The following MAGI2 variants were observed in gnomAD, a reference collection of about 807,000 sequenced individuals.
MAGI2 encodes membrane-associated guanylate kinase, WW and PDZ domain-containing protein 2.
In MAGI2, 35 loss-of-function variants were observed where a neutral mutation model predicts 133.3. The observed-to-expected ratio is 0.26, with a 90% CI of 0.20 to 0.35. The LOEUF is 0.35. Among genes scored for constraint, MAGI2 ranks in the 10% least tolerant of loss-of-function variants. The pLI is 1.00. For missense variants in MAGI2, 1,636 were observed against 1,863.4 expected (o/e 0.88, Z 2.25); for synonymous variants, 729 against 710.6 (o/e 1.03, Z -0.41).
chr7:78,544,828 C>T (rs770981476), intron 3 of MAGI2, among the ~76,000 whole-genome samples: 3 of 151,660 alleles, frequency 2.0e-5, no homozygotes, highest in Non-Finnish European at 2.9e-5. Context: ...GAGTGAAACT[C>T]CATCTCAAAA....
chr7:78,062,924 C>G (rs1813431311), intron 21 of MAGI2, among the ~76,000 whole-genome samples: 1 of 152,222 alleles, frequency 6.6e-6, no homozygotes, highest in South Asian at 2.1e-4. Flanking sequence ...GTCCTCCTCT[C>G]TGATCCTGTC....
At chr7:78,889,521 G>A (rs1005063319) in intron 2 of MAGI2, among the ~76,000 whole-genome samples, 1 of 152,228 alleles carries the variant, frequency 6.6e-6, no homozygotes, top group African/African-American at 2.4e-5. Flanking sequence ...CAGACTAACA[G>A]TGGATCTCTC....
intron 9 of MAGI2, among the ~76,000 whole-genome samples, chr7:78,317,049 A>G (rs532439690): frequency 2.0e-5 from 3 of 152,312 alleles, no homozygotes; most frequent in Admixed American, 1.3e-4. Flanking sequence ...GGCACAACAC[A>G]TCTATTTTCC....
At position 78,827,617 on chromosome 7, in the gene MAGI2, C is replaced by T. The variant is rs527677946; in HGVS notation, c.418+179473G>A. On this transcript the variant is annotated intron_variant, in intron 2 of 21. Coordinates refer to ENST00000354212, the MANE Select transcript of MAGI2 (RefSeq NM_012301.4). ...CTGTTTAATTCTAGAACTCTAGAAA[C>T]ATATAAGATGAGCACATTTCATATT... Among the ~76,000 whole-genome samples, 3 of 152,106 alleles carry T rather than the reference C, an allele frequency of 2.0e-5. No individual in the cohort carries two copies. In the South Asian group the frequency reaches 6.2e-4, roughly 32 times the overall value.
At chr7:79,384,360 G>A (rs1844024668) in intron 1 of MAGI2, among the ~76,000 whole-genome samples, 1 of 144,268 alleles carries the variant, frequency 6.9e-6, no homozygotes, top group Non-Finnish European at 1.5e-5. Context: ...CTTCTTGAAA[G>A]CACCAGAAGA....
intron 2 of MAGI2, among the ~76,000 whole-genome samples, chr7:78,668,691 T>C (rs567062076): frequency 6.6e-6 from 1 of 152,044 alleles, no homozygotes; most frequent in African/African-American, 2.4e-5. Context: ...TTTGTCAAAA[T>C]GTAAAAGTAC....
At chr7:78,739,778 T>G (rs968483690) in intron 2 of MAGI2, among the ~76,000 whole-genome samples, 1 of 152,036 alleles carries the variant, frequency 6.6e-6, no homozygotes, top group Non-Finnish European at 1.5e-5. Flanking sequence ...GCGCCGCAAA[T>G]CAGTAAAACT....
At chr7:78,639,093 G>T (rs982335910) in intron 2 of MAGI2, among the ~76,000 whole-genome samples, 5 of 152,152 alleles carry the variant, frequency 3.3e-5, no homozygotes, top group African/African-American at 1.2e-4. Flanking sequence ...CGCATGGAAG[G>T]TTTAGTGGAT....
intron 16 of MAGI2, chr7:78,158,420 T>G (rs1294843833): frequency 6.6e-6 from 1 of 152,068 alleles, no homozygotes; most frequent in African/African-American, 2.4e-5. Context: ...GGAAGACAAA[T>G]ATGGGCTATG....
intron 3 of MAGI2, among the ~76,000 whole-genome samples, chr7:78,559,170 C>CAAAA (rs1563168332): frequency 3.1e-5 from 1 of 32,590 alleles, no homozygotes; most frequent in African/African-American, 9.6e-5. Context: ...AAAAAAAAGC[C>CAAAA]AAAAAGAAAA....
intron 3 of MAGI2, among the ~76,000 whole-genome samples, chr7:78,573,821 C>G (rs147101744): frequency 6.6e-6 from 1 of 151,948 alleles, no homozygotes; most frequent in African/African-American, 2.4e-5. Flanking sequence ...GCCAAGTACC[C>G]GGAGCTATTT....
chr7:79,102,937 A>T (rs950045318), intron 1 of MAGI2, among the ~76,000 whole-genome samples: 2 of 152,170 alleles, frequency 1.3e-5, no homozygotes, highest in Non-Finnish European at 2.9e-5. Context: ...GTTCTGATTC[A>T]ATCAGTTGAA....
chr7:78,605,637 A>T (rs1245361647), intron 3 of MAGI2, among the ~76,000 whole-genome samples: 2 of 152,238 alleles, frequency 1.3e-5, no homozygotes, highest in Non-Finnish European at 2.9e-5. Context: ...TAGAACACAG[A>T]GCATGCTGAA....
intron 6 of MAGI2, among the ~76,000 whole-genome samples, chr7:78,371,412 A>G (rs1793902792): frequency 6.6e-6 from 1 of 151,964 alleles, no homozygotes; most frequent in Non-Finnish European, 1.5e-5. Context: ...ATGCAACAAT[A>G]TATAAAACAA....
rs914600112 is a variant in MAGI2 at position 79,176,223 on chromosome 7, G to A, written c.302-169017C>T. On this transcript the variant is annotated intron_variant, in intron 1 of 21. Coordinates refer to ENST00000354212, the MANE Select transcript of MAGI2 (RefSeq NM_012301.4). ...CCTTTAAGGAAGGACCTGCTGCCTCGTCAGGATTGCCCCAGCTGCCTTGCT... is the reference window on the plus strand; with the variant it reads ...CCTTTAAGGAAGGACCTGCTGCCTCATCAGGATTGCCCCAGCTGCCTTGCT... 5.3e-5 allele frequency among the ~76,000 whole-genome samples: 8 copies of A among 151,964 alleles called. No homozygotes were observed. The East Asian group carries it at 1.2e-3, about 22-fold the overall frequency.
chr7:78,573,031 GTATGTATATATATATATATATATA>G (rs1801680848), intron 3 of MAGI2, among the ~76,000 whole-genome samples: 1 of 26,388 alleles, frequency 3.8e-5, no homozygotes, highest in Non-Finnish European at 6.3e-5. Context: ...ATATGCATAT[GTATGTATATATATATATATATATA>G]TATATATATA....
intron 1 of MAGI2, chr7:79,125,180 T>C: frequency 5.7e-6 from 2 of 350,232 alleles, no homozygotes; most frequent in South Asian, 2.7e-5. Flanking sequence ...GGCTTTGGTT[T>C]TGTAAACACT....
At chr7:78,276,305 A>T (rs1795050602) in intron 9 of MAGI2, among the ~76,000 whole-genome samples, 1 of 152,180 alleles carries the variant, frequency 6.6e-6, no homozygotes, top group Non-Finnish European at 1.5e-5. Flanking sequence ...TTCTACTGTC[A>T]AATGTCTTTA....
intron 2 of MAGI2, among the ~76,000 whole-genome samples, chr7:78,786,108 G>A (rs1389780198): frequency 6.6e-6 from 1 of 151,486 alleles, no homozygotes; most frequent in Admixed American, 6.6e-5. Context: ...TTCCCTCTCT[G>A]TTAAAAGGAG....
Sources: allele counts gnomAD v4.1 joint callset (sites outside exome capture counted in the v4.1 genomes callset), GRCh38; gene constraint gnomAD v4.1.1; transcripts MANE v1.5; gene names NCBI Gene and HGNC (gene_info 2026-07-23, HGNC 2026-07-21).